The following XKR5 variants were observed in gnomAD, a reference collection of about 807,000 sequenced individuals.
The protein encoded by XKR5 is XK-related protein 5.
Under a neutral mutation model 40.8 loss-of-function variants are expected in XKR5, and 46 were observed. The observed-to-expected ratio is 1.13, with a 90% CI of 0.89 to 1.44. The LOEUF is 1.44. Among genes scored for constraint, XKR5 ranks in the 40% most tolerant of loss-of-function variants. XKR5 has a pLI of 0.00. For synonymous variants in XKR5, 466 were observed against 356.1 expected, an observed-to-expected ratio of 1.31 and a Z score of -3.48; for missense variants, 1,169 against 844.7, an observed-to-expected ratio of 1.38 and a Z score of -4.76.
chr8:6,833,115 C>G (rs1054872355), intron 1 of XKR5, among the ~76,000 whole-genome samples: 116 of 152,294 alleles, frequency 7.6e-4, no homozygotes, highest in Non-Finnish European at 7.8e-4. Context: ...CGAACTAAAT[C>G]TAGCCAGAGC....
At chr8:6,830,029 G>C (rs1321565261) in intron 2 of XKR5, among the ~76,000 whole-genome samples, 1 of 151,730 alleles carries the variant, frequency 6.6e-6, no homozygotes, top group African/African-American at 2.4e-5. Context: ...AGTAGAGACG[G>C]GGTTTCACCG....
chr8:6,832,967 T>C, intron 1 of XKR5, 67 bp from the exon 2 acceptor site: 1 of 1,343,418 alleles, frequency 7.4e-7, no homozygotes, highest in African/African-American at 1.5e-5. Flanking sequence ...ACCTGCATTT[T>C]AAACAACTGA....
intron 1 of XKR5, among the ~76,000 whole-genome samples, chr8:6,834,206 C>T (rs769724908): frequency 1.2e-4 from 19 of 152,224 alleles, no homozygotes; most frequent in Non-Finnish European, 1.3e-4. Flanking sequence ...TCGTTTCACA[C>T]AACTGTTACT....
chr8:6,828,185 C>T (rs1332845186), intron 2 of XKR5, among the ~76,000 whole-genome samples: 4 of 152,142 alleles, frequency 2.6e-5, no homozygotes, highest in Admixed American at 1.3e-4. Context: ...ATATAAGTAT[C>T]AACATGAGTG....
At chr8:6,818,362 G>C (rs1279748249) in intron 5 of XKR5, among the ~76,000 whole-genome samples, 1 of 152,194 alleles carries the variant, frequency 6.6e-6, no homozygotes, top group East Asian at 1.9e-4. Context: ...GTGTCCTGTA[G>C]GGTTTTGATA....
In XKR5 at chr8:6,819,835, C is replaced by T. The variant is rs116315146; in HGVS notation, c.807+2034G>A. 1.4e-3 allele frequency among the ~76,000 whole-genome samples: 72 copies of T among 49,968 alleles called. No homozygotes were observed. In the East Asian group the frequency reaches 0.025, roughly 17 times the overall value. The allele number at this position is 49,968 out of a possible 152,430, so 32.8% of individuals were successfully genotyped here. A position where few individuals can be genotyped will look rare whatever the true frequency, so the allele number is the denominator to read the frequency against. On this transcript the variant is annotated intron_variant, in intron 5 of 6. Transcript: ENST00000618742. ...TTCCTTCCTCTTCCCTACCTTCCTT[C>T]CTCTTCCCTACCTTCCTTTCCTTCC...
intron 2 of XKR5, among the ~76,000 whole-genome samples, chr8:6,826,406 G>C (rs1159339525): frequency 2.0e-5 from 3 of 152,038 alleles, no homozygotes; most frequent in Non-Finnish European, 4.4e-5. Flanking sequence ...AGAGCTAATA[G>C]AATACTTCCA....
chr8:6,816,493 G>A (rs1232783151), intron 5 of XKR5, among the ~76,000 whole-genome samples: 1 of 152,100 alleles, frequency 6.6e-6, no homozygotes, highest in Admixed American at 6.5e-5. Flanking sequence ...AGATGGTCCA[G>A]AAGGCTCTTT....
At chr8:6,829,450 G>T (rs10086142) in intron 2 of XKR5, 37,152 of 160,612 alleles carry the variant, frequency 0.23, 5,361 homozygotes, top group African/African-American at 0.41. Context: ...GACTTAAAAT[G>T]AACATAGTAT....
At chr8:6,823,180 A>C (rs997341672) in intron 4 of XKR5, among the ~76,000 whole-genome samples, 1 of 152,170 alleles carries the variant, frequency 6.6e-6, no homozygotes, top group African/African-American at 2.4e-5. Flanking sequence ...CTAGTCCTCC[A>C]TGCTCTTGAA....
At chr8:6,823,180 A>G (rs997341672) in intron 4 of XKR5, among the ~76,000 whole-genome samples, 7 of 152,170 alleles carry the variant, frequency 4.6e-5, no homozygotes, top group Admixed American at 1.3e-4. Context: ...CTAGTCCTCC[A>G]TGCTCTTGAA....
chr8:6,817,978 C>T (rs533194867), intron 5 of XKR5, among the ~76,000 whole-genome samples: 115 of 152,324 alleles, frequency 7.5e-4, no homozygotes, highest in African/African-American at 2.4e-3. Context: ...ATTTCCACTT[C>T]CCTGTCTCTG....
At chr8:6,820,641 C>T (rs973206364) in intron 5 of XKR5, among the ~76,000 whole-genome samples, 2 of 152,198 alleles carry the variant, frequency 1.3e-5, no homozygotes, top group African/African-American at 4.8e-5. Flanking sequence ...CATGCATGAC[C>T]TGGGCCCTGC....
chr8:6,813,898 A>G (rs1803845625), intron 6 of XKR5, among the ~76,000 whole-genome samples: 1 of 152,146 alleles, frequency 6.6e-6, no homozygotes, highest in Non-Finnish European at 1.5e-5. Flanking sequence ...ATCTTTTCTG[A>G]GTCAGTGTTA....
chr8:6,827,749 C>A (rs1227220177), intron 2 of XKR5, among the ~76,000 whole-genome samples: 1 of 152,178 alleles, frequency 6.6e-6, no homozygotes, highest in Non-Finnish European at 1.5e-5. Flanking sequence ...GTTCAACATG[C>A]ATTTTTCTTG....
intron 1 of XKR5, 54 bp downstream of exon 1, chr8:6,835,382 G>A (rs998752865): frequency 7.3e-7 from 1 of 1,362,896 alleles, no homozygotes; most frequent in Admixed American, 3.8e-5. Flanking sequence ...TCCCGGCGCC[G>A]GGGTGGGGTT....
At chr8:6,832,648 G>T in intron 2 of XKR5, 69 bp downstream of exon 2, 1 of 1,567,828 alleles carries the variant, frequency 6.4e-7, no homozygotes, top group Non-Finnish European at 8.7e-7. Context: ...GAATCCACAT[G>T]GAGAGAAGAT....
chr8:6,826,938 C>G (rs1804515515), intron 2 of XKR5, among the ~76,000 whole-genome samples: 1 of 152,156 alleles, frequency 6.6e-6, no homozygotes, highest in Non-Finnish European at 1.5e-5. Flanking sequence ...CTCCGAGGCT[C>G]TCGGAAAAGG....
intron 3 of XKR5, 103 bp from the exon 4 acceptor site, chr8:6,823,833 C>G (rs564839435): frequency 3.0e-6 from 3 of 1,004,956 alleles, no homozygotes; most frequent in African/African-American, 1.6e-5. Context: ...TGTGTAACCT[C>G]TTGTTAAAGC....
Sources: gnomAD v4.1 joint callset for allele counts (sites outside exome capture counted in the v4.1 genomes callset) on GRCh38, gnomAD v4.1.1 for gene constraint, MANE v1.5 for transcripts, NCBI Gene and HGNC (gene_info 2026-07-23, HGNC 2026-07-21) for gene names.